GRIA4: variants seen among roughly 807,000 people sequenced by gnomAD.
The protein encoded by GRIA4 is glutamate receptor 4.
GRIA4 carries 34 observed loss-of-function variants against 104.0 expected under a neutral mutation model. The observed-to-expected ratio is 0.33, with a 90% CI of 0.25 to 0.44. The LOEUF is 0.44. GRIA4 is among the 20% of genes least tolerant of loss of function. The pLI, the probability that GRIA4 is intolerant of heterozygous loss-of-function variation, is 1.00. For missense variants in GRIA4, 750 were observed against 1,096.5 expected (o/e 0.68, Z 4.46); for synonymous variants, 386 against 381.9 (o/e 1.01, Z -0.13).
rs1323483222 is a variant in GRIA4, at chr11:105,981,556, C to CACACACAA, written c.*1824_*1825insAACACACA. The CACACACAA allele has an allele frequency of 8.6e-5, 12 of 139,264 alleles. No individual in the cohort carries two copies. The highest frequency in any genetic ancestry group is 3.0e-4 in the African/African-American group (11 of 36,684). 8.6% of individuals were successfully genotyped at this position (139,264 alleles called of 1,614,324 possible). On this transcript the variant is annotated 3_prime_UTR_variant, in exon 17 of 17. Transcript: ENST00000282499. ...GAGCAATCTTAAACAGTATAAATCACACACACACACACACACACACACACA... is the reference window on the plus strand; with the variant it reads ...GAGCAATCTTAAACAGTATAAATCACACACACAAACACACACACACACACACACACACA...
intron 4 of GRIA4, among the ~76,000 whole-genome samples, chr11:105,803,239 ATC>A (rs1484179530): frequency 1.3e-5 from 2 of 151,984 alleles, no homozygotes; most frequent in Non-Finnish European, 2.9e-5. Context: ...TATATATAGT[ATC>A]TCTGTTAATA....
chr11:105,628,256 T>G (rs1308559716), intron 3 of GRIA4, among the ~76,000 whole-genome samples: 1 of 152,194 alleles, frequency 6.6e-6, no homozygotes, highest in Non-Finnish European at 1.5e-5. Flanking sequence ...AATTTATTTC[T>G]TAAAAATGAA....
rs554420104 is a variant in GRIA4, at chr11:105,634,799, C to A, written c.247+22365C>A. On this transcript the variant is annotated intron_variant, in intron 3 of 16. Transcript: ENST00000282499. ...CCTGTATTATTTTCTGGGTTTGCTG[C>A]ATGATTTTGAAAATAAAACATTGTC... Among the ~76,000 whole-genome samples, 14 of 152,234 alleles carry A rather than the reference C, an allele frequency of 9.2e-5. No homozygotes were observed. The South Asian group carries it at 2.7e-3, about 29-fold the overall frequency.
intron 3 of GRIA4, among the ~76,000 whole-genome samples, chr11:105,702,218 A>G (rs570624656): frequency 6.6e-6 from 1 of 152,192 alleles, no homozygotes; most frequent in East Asian, 1.9e-4. Flanking sequence ...GTGTATTAAT[A>G]TTTTTCCTAG....
intron 4 of GRIA4, among the ~76,000 whole-genome samples, chr11:105,833,717 T>C (rs1475772829): frequency 6.6e-6 from 1 of 151,966 alleles, no homozygotes; most frequent in East Asian, 1.9e-4. Flanking sequence ...TTTGTTTTAG[T>C]CTTAACTACA....
chr11:105,914,338 A>G (rs1274085613), intron 10 of GRIA4, among the ~76,000 whole-genome samples: 3 of 152,006 alleles, frequency 2.0e-5, no homozygotes, highest in Admixed American at 2.0e-4. Flanking sequence ...AAATATCCAC[A>G]TAGGAAACAA....
At chr11:105,686,154 T>C (rs111336537) in intron 3 of GRIA4, among the ~76,000 whole-genome samples, 11 of 152,290 alleles carry the variant, frequency 7.2e-5, no homozygotes, top group African/African-American at 2.4e-4. Context: ...GTTTAGGGTA[T>C]GAATAAGCAT....
intron 14 of GRIA4, among the ~76,000 whole-genome samples, chr11:105,935,298 A>G (rs1401169223): frequency 6.6e-6 from 1 of 152,182 alleles, no homozygotes; most frequent in Non-Finnish European, 1.5e-5. Flanking sequence ...AAATTTGGTT[A>G]TGGACTGTGG....
At chr11:105,777,632 T>A (rs957828704) in intron 4 of GRIA4, among the ~76,000 whole-genome samples, 2 of 152,156 alleles carry the variant, frequency 1.3e-5, no homozygotes, top group African/African-American at 4.8e-5. Flanking sequence ...CTATAAAAAA[T>A]TTTGTGGATC....
intron 5 of GRIA4, among the ~76,000 whole-genome samples, chr11:105,862,920 TC>T (rs1945279401): frequency 6.6e-6 from 1 of 152,190 alleles, no homozygotes; most frequent in Non-Finnish European, 1.5e-5. Context: ...CCCCTGCAGA[TC>T]ATGATAAAGC....
At chr11:105,718,448 C>T (rs1284019207) in intron 3 of GRIA4, among the ~76,000 whole-genome samples, 2 of 152,064 alleles carry the variant, frequency 1.3e-5, no homozygotes, top group African/African-American at 4.8e-5. Context: ...TGATGCTTTG[C>T]GTAAAGCAAA....
intron 3 of GRIA4, among the ~76,000 whole-genome samples, chr11:105,730,991 C>T (rs1209338889): frequency 6.6e-6 from 1 of 152,086 alleles, no homozygotes; most frequent in East Asian, 1.9e-4. Context: ...AGTAAAACAC[C>T]AAAGGCAATG....
chr11:105,752,814 T>C (rs1207373512), intron 3 of GRIA4, among the ~76,000 whole-genome samples, 167 bp from the exon 4 acceptor site: 4 of 152,206 alleles, frequency 2.6e-5, no homozygotes, highest in Admixed American at 6.5e-5. Context: ...AATTCATTAA[T>C]TGATTGTGCA....
chr11:105,797,752 G>A (rs1210577451), intron 4 of GRIA4: 1 of 452,864 alleles, frequency 2.2e-6, no homozygotes, highest in South Asian at 1.6e-5. Context: ...CACACCATTG[G>A]CAAGTAATTG....
At chr11:105,771,888 A>G (rs1312879001) in intron 4 of GRIA4, among the ~76,000 whole-genome samples, 1 of 152,078 alleles carries the variant, frequency 6.6e-6, no homozygotes, top group East Asian at 1.9e-4. Context: ...CTACAATAAA[A>G]TATATATAAA....
chr11:105,858,069 T>C (rs1945080167), intron 4 of GRIA4, among the ~76,000 whole-genome samples: 1 of 152,156 alleles, frequency 6.6e-6, no homozygotes, highest in South Asian at 2.1e-4. Context: ...GATAAAATCT[T>C]TATGTGATAT....
chr11:105,851,837 A>G (rs1208840290), intron 4 of GRIA4, among the ~76,000 whole-genome samples: 5 of 152,044 alleles, frequency 3.3e-5, no homozygotes, highest in African/African-American at 1.2e-4. Context: ...CATAGTACTT[A>G]CTACCTCTTG....
At chr11:105,919,692 C>A (rs942193725) in intron 11 of GRIA4, among the ~76,000 whole-genome samples, 2 of 152,122 alleles carry the variant, frequency 1.3e-5, no homozygotes, top group Admixed American at 6.6e-5. Context: ...ATGTCAAAAT[C>A]AAACTGGCAA....
intron 6 of GRIA4, among the ~76,000 whole-genome samples, chr11:105,892,043 G>A (rs766031047): frequency 5.3e-5 from 8 of 151,962 alleles, no homozygotes; most frequent in Admixed American, 1.3e-4. Context: ...CCAAGATCTC[G>A]CAGATCTGAA....
Sources: allele counts gnomAD v4.1 joint callset (sites outside exome capture counted in the v4.1 genomes callset), GRCh38; gene constraint gnomAD v4.1.1; transcripts MANE v1.5; gene names NCBI Gene and HGNC (gene_info 2026-07-23, HGNC 2026-07-21).